The following ATAD2B variants were observed in gnomAD, a reference collection of about 807,000 sequenced individuals.
ATAD2B encodes ATPase family AAA domain containing 2B.
In ATAD2B, 40 loss-of-function variants were observed where a neutral mutation model predicts 167.6. The observed-to-expected ratio is 0.24, with a 90% CI of 0.19 to 0.31. The LOEUF (loss-of-function observed/expected upper bound fraction) is 0.31, where lower values mean the gene tolerates loss of function less well. Ranked by LOEUF, ATAD2B falls within the 10% of genes least tolerant of loss-of-function variation. The probability of loss-of-function intolerance (pLI) is 1.00; values close to 1 mark genes in which losing one functional copy is unlikely to be tolerated. For missense variants in ATAD2B, 1,242 were observed against 1,757.2 expected, an observed-to-expected ratio of 0.71 and a Z score of 5.24; for synonymous variants, 579 against 596.5, an observed-to-expected ratio of 0.97 and a Z score of 0.43.
chr2:23,739,963 A>C, the ATAD2B span, among the ~76,000 whole-genome samples: 1 of 152,364 alleles, frequency 6.6e-6, no homozygotes, highest in South Asian at 2.1e-4. Flanking sequence ...GAAATGGATA[A>C]ATTCCTCGAC....
At chr2:23,785,525 A>C (rs1680687782) in intron 21 of ATAD2B, among the ~76,000 whole-genome samples, 1 of 152,100 alleles carries the variant, frequency 6.6e-6, no homozygotes. Flanking sequence ...TTAGAAAGAA[A>C]AATAATTTAG....
chr2:23,872,819 A>G, intron 8 of ATAD2B: 1 of 1,023,026 alleles, frequency 9.8e-7, no homozygotes, highest in Non-Finnish European at 1.5e-6. Context: ...GAGGGTCCAG[A>G]TTGCTCTCTT....
rs368513834 is a variant in ATAD2B at position 23,765,649 on chromosome 2, T to C, written c.3134-21A>G. The C allele has an allele frequency of 1.2e-5, 16 of 1,310,438 alleles. No individual in the cohort carries two copies. The African/African-American group carries it at 1.7e-4, about 14-fold the overall frequency. 81.2% of individuals were successfully genotyped at this position (1,310,438 alleles called of 1,614,324 possible). On this transcript the variant is annotated intron_variant, in intron 22 of 27. Coordinates refer to ENST00000238789, the MANE Select transcript of ATAD2B (RefSeq NM_017552.4). ...TTTATCTGTTAAAAAAGTTGGTATA[T>C]ATTTATTATAGAAACAAATAAAATA...
At chr2:23,899,792 T>C (rs1700581895) in intron 1 of ATAD2B, among the ~76,000 whole-genome samples, 1 of 151,576 alleles carries the variant, frequency 6.6e-6, no homozygotes, top group Admixed American at 6.6e-5. Flanking sequence ...GGTTTCACCA[T>C]ATTGGCCAGG....
intron 4 of ATAD2B, among the ~76,000 whole-genome samples, chr2:23,887,311 T>C (rs1269964743): frequency 3.3e-5 from 5 of 152,162 alleles, no homozygotes; most frequent in Non-Finnish European, 5.9e-5. Flanking sequence ...CTTCCCACTT[T>C]AGCCTCCTGA....
At chr2:23,805,143 C>CAAAAAA (rs574560679) in intron 18 of ATAD2B, among the ~76,000 whole-genome samples, 1 of 113,984 alleles carries the variant, frequency 8.8e-6, no homozygotes, top group African/African-American at 3.4e-5. Flanking sequence ...AACCCTGTCT[C>CAAAAAA]AAAAAAAAAA....
chr2:23,680,962 C>A, the ATAD2B span, among the ~76,000 whole-genome samples: 3 of 152,196 alleles, frequency 2.0e-5, no homozygotes, highest in Non-Finnish European at 4.4e-5. This position sits in a 1 kb window ranked among gnomAD's most constrained non-coding sequence, Gnocchi z 4.1. Context: ...GGAAGATCTC[C>A]CCAGACCCCG....
chr2:23,835,079 C>G (rs892313959), intron 13 of ATAD2B, among the ~76,000 whole-genome samples: 8 of 152,134 alleles, frequency 5.3e-5, no homozygotes, highest in Non-Finnish European at 8.8e-5. Flanking sequence ...TGTAGAGAAG[C>G]TGGAACACTC....
At chr2:23,847,449 G>A (rs1459304948) in intron 13 of ATAD2B, among the ~76,000 whole-genome samples, 2 of 152,016 alleles carry the variant, frequency 1.3e-5, no homozygotes, top group South Asian at 2.1e-4. Context: ...AGGTTGCCAT[G>A]AGCAGAGATT....
the ATAD2B span, among the ~76,000 whole-genome samples, chr2:23,741,749 C>T: frequency 1.3e-5 from 2 of 152,088 alleles, no homozygotes; most frequent in African/African-American, 4.8e-5. Flanking sequence ...AAGAAACGAC[C>T]ATCAGAGTGA....
chr2:23,794,755 T>C (rs781502374), intron 19 of ATAD2B, among the ~76,000 whole-genome samples: 1 of 152,034 alleles, frequency 6.6e-6, no homozygotes, highest in Non-Finnish European at 1.5e-5. Context: ...ATTACCAAAA[T>C]AGTATATTTA....
chr2:23,732,822 A>ATCTT, the ATAD2B span, among the ~76,000 whole-genome samples: 1 of 152,080 alleles, frequency 6.6e-6, no homozygotes, highest in African/African-American at 2.4e-5. Context: ...TTCAATCTCC[A>ATCTT]TCTTTCTATC....
intron 17 of ATAD2B, among the ~76,000 whole-genome samples, chr2:23,815,322 T>C (rs1686275740): frequency 1.3e-5 from 2 of 152,074 alleles, no homozygotes; most frequent in Non-Finnish European, 2.9e-5. Context: ...GAGACTTACT[T>C]AGTAAGAAAA....
the ATAD2B span, among the ~76,000 whole-genome samples, chr2:23,721,525 C>T: frequency 1.3e-5 from 2 of 152,048 alleles, no homozygotes; most frequent in African/African-American, 2.4e-5. Flanking sequence ...TGTGTGCCTA[C>T]ATCCCAGGCC....
At chr2:23,912,253 T>C (rs1243586138) in intron 1 of ATAD2B, among the ~76,000 whole-genome samples, 1 of 151,986 alleles carries the variant, frequency 6.6e-6, no homozygotes, top group African/African-American at 2.4e-5. Context: ...TCCAAGCACT[T>C]AGGAAGGCCA....
Position 23,765,585 on chromosome 2 carries a change from T to G in ATAD2B, c.3177A>C (p.Ala1059=). 1 of 1,565,492 alleles carries G rather than the reference T, an allele frequency of 6.4e-7. No homozygotes were observed. The highest frequency in any genetic ancestry group is 8.7e-7 in the Non-Finnish European group (1 of 1,151,090). Residue 1059 remains alanine, a synonymous_variant, in exon 23 of 28, where the codon GCA becomes GCC. Transcript: ENST00000238789. ...CTAATTCAGCTGCAATGATAGCATG[T>G]GCAGTGTCCTTCAGGGTACAAGCCC... is the stretch of plus-strand genomic sequence containing the variant. The part of the protein sequence containing the change: ...RHRACTLKDT[A]HAIIAAELDP...
intron 1 of ATAD2B, among the ~76,000 whole-genome samples, chr2:23,906,231 C>T (rs1163378793): frequency 6.6e-6 from 1 of 151,846 alleles, no homozygotes; most frequent in African/African-American, 2.4e-5. Context: ...ATCCCAGCTA[C>T]TCAGGAGACT....
At chr2:23,910,834 C>T (rs1183955826) in intron 1 of ATAD2B, among the ~76,000 whole-genome samples, 2 of 151,896 alleles carry the variant, frequency 1.3e-5, no homozygotes, top group African/African-American at 4.8e-5. Flanking sequence ...CACCACTGCA[C>T]TCCAGCCTGG....
At chr2:23,892,659 G>A (rs1218133909) in intron 2 of ATAD2B, among the ~76,000 whole-genome samples, 1 of 151,684 alleles carries the variant, frequency 6.6e-6, no homozygotes, top group Non-Finnish European at 1.5e-5. Flanking sequence ...TAGTAGAAAT[G>A]GGATTTCACC....
Sources: gnomAD v4.1 joint callset for allele counts (sites outside exome capture counted in the v4.1 genomes callset) on GRCh38, gnomAD v4.1.1 for gene constraint, Gnocchi (gnomAD v3.1) non-coding constraint, MANE v1.5 for transcripts, NCBI Gene and HGNC (gene_info 2026-07-23, HGNC 2026-07-21) for gene names.